The following BRWD3 variants were observed in gnomAD, a reference collection of about 807,000 sequenced individuals.
The protein encoded by BRWD3 is bromodomain and WD repeat-containing protein 3.
BRWD3 carries 10 observed loss-of-function variants against 149.7 expected under a neutral mutation model. The ratio of observed to expected loss-of-function variants is 0.07; its 90% CI spans 0.04 to 0.11. The LOEUF is 0.11. BRWD3 is among the 10% of genes least tolerant of loss of function. The pLI is 1.00. For missense variants in BRWD3, 940 were observed against 1,373.2 expected (o/e 0.68, Z 4.99); for synonymous variants, 504 against 456.7 (o/e 1.10, Z -1.32).
At position 80,669,693 on chromosome X, in the gene BRWD3, C is replaced by G. The variant is rs2072308712; in HGVS notation, c.*6916G>C. ...TTACTTAACAGACTATACAAAATTGCCAATACAAATTAACATGTTGTTATA... is the reference window on the plus strand; with the variant it reads ...TTACTTAACAGACTATACAAAATTGGCAATACAAATTAACATGTTGTTATA... On this transcript the variant is annotated 3_prime_UTR_variant, in exon 41 of 41. Transcript: ENST00000373275. Among the ~76,000 whole-genome samples, 1 of 110,758 alleles carries G rather than the reference C, an allele frequency of 9.0e-6. No homozygotes were observed. The highest frequency in any genetic ancestry group is 1.9e-5 in the Non-Finnish European group (1 of 52,834).
intron 6 of BRWD3, among the ~76,000 whole-genome samples, chrX:80,758,350 T>C (rs1175283940): frequency 8.9e-6 from 1 of 111,845 alleles, no homozygotes; most frequent in Non-Finnish European, 1.9e-5. Flanking sequence ...CAAAAATATA[T>C]ACAACTCTTA....
chrX:80,729,858 TAAACTC>T (rs2147769019), intron 13 of BRWD3, 52 bp downstream of exon 13: 2 of 793,424 alleles, frequency 2.5e-6, no homozygotes, highest in Non-Finnish European at 3.9e-6. Flanking sequence ...TATTCACTAT[TAAACTC>T]AATGTAAAAT....
chrX:80,709,683 G>A (rs1409854847), intron 20 of BRWD3, 106 bp from the exon 21 acceptor site: 2 of 658,366 alleles, frequency 3.0e-6, no homozygotes, highest in Non-Finnish European at 4.6e-6. Context: ...AGTAGGAGAT[G>A]AGAATAAATT....
chrX:80,795,032 T>A (rs1379749253), intron 4 of BRWD3, among the ~76,000 whole-genome samples: 1 of 111,131 alleles, frequency 9.0e-6, no homozygotes, highest in Non-Finnish European at 1.9e-5. Flanking sequence ...TTTAAATAAC[T>A]CAGCTATGTA....
Position 80,686,944 on chromosome X carries a change from T to C in BRWD3, c.3924A>G (p.Gln1308=), listed in dbSNP as rs959424157. 5 of 1,210,096 alleles carry C rather than the reference T, an allele frequency of 4.1e-6. No homozygotes were observed. The highest frequency in any genetic ancestry group is 5.6e-6 in the Non-Finnish European group (5 of 894,389). ...AAATGAGGCTCAATAGTTCCTTGCA[T>C]TGTTTTTTCCAAGCATCAGGATTAC... ...LKCNPDAWKK[Q]CKELLSLIYE... is the part of the protein sequence containing the mutation. The change falls in exon 35 of 41, where the codon CAA becomes CAG. Residue 1308 remains glutamine (Q), a synonymous_variant. Coordinates refer to ENST00000373275, the MANE Select transcript of BRWD3 (RefSeq NM_153252.5).
intron 6 of BRWD3, among the ~76,000 whole-genome samples, chrX:80,756,319 T>C (rs1602398573): frequency 1.8e-5 from 2 of 108,879 alleles, no homozygotes; most frequent in East Asian, 2.9e-4. Context: ...CTGATCAACA[T>C]GGAGAAACCC....
chrX:80,793,754 T>C lies in BRWD3; in HGVS notation c.199A>G (p.Ile67Val). ...ATTTTAAGGAGGTAGTCTGGAGGAA[T>C]GTGTGCATTTGCTGCCACCTAAAAA... is the stretch of plus-strand genomic sequence containing the variant. ...FEDLVAANAHIPPDYLLKICE... is the reference protein window; with the variant it reads ...FEDLVAANAHVPPDYLLKICE... Residue 67 changes from isoleucine to valine, a missense_variant, in exon 5 of 41, where the codon ATT becomes GTT. Transcript: ENST00000373275. 1 of 1,208,995 alleles carries C rather than the reference T, an allele frequency of 8.3e-7. No homozygotes were observed. The highest frequency in any genetic ancestry group is 1.8e-5 in the South Asian group (1 of 56,938).
At chrX:80,708,707 T>A (rs760050657) in intron 21 of BRWD3, among the ~76,000 whole-genome samples, 2 of 109,445 alleles carry the variant, frequency 1.8e-5, no homozygotes, top group African/African-American at 6.7e-5. Flanking sequence ...TCCCAGCTCC[T>A]GGGGAGGCCA....
rs1453890647 is a variant in BRWD3, at chrX:80,699,957, C to A, written c.2943G>T (p.Arg981Ser). ...QKQPWNKMDL[R>S]EQEFVKIVGI... Reference sequence around the variant, plus strand: ...TAGCTTATGAATTTGGCAAACTTACCCTGAGATCCATTTTGTTCCATGGCT... The same window carrying A: ...TAGCTTATGAATTTGGCAAACTTACACTGAGATCCATTTTGTTCCATGGCT... The change falls in exon 25 of 41, where the codon AGG (arginine) becomes AGT (serine). Residue 981 changes from arginine (R) to serine (S), a missense_variant and splice_region_variant. Arg to Ser is a moderately radical substitution (Grantham distance 110, BLOSUM62 -1). This residue lies in a region of BRWD3 where 158 missense variants were observed against 284.0 expected (regional missense o/e 0.56). Coordinates refer to ENST00000373275, the MANE Select transcript of BRWD3 (RefSeq NM_153252.5). The A allele has an allele frequency of 1.7e-6, 2 of 1,200,816 alleles. No individual in the cohort carries two copies. Among genetic ancestry groups the A allele is most frequent in the African/African-American group, 3.5e-5 (2 of 57,452 alleles).
Position 80,673,162 on chromosome X carries a change from C to T in BRWD3, c.*3447G>A, listed in dbSNP as rs767696195. 169 of 111,580 alleles carry T rather than the reference C, an allele frequency of 1.5e-3. No individual in the cohort carries two copies. Among genetic ancestry groups the T allele is most frequent in the African/African-American group, 5.2e-3 (159 of 30,785 alleles). The allele number at this position is 111,580 out of a possible 1,213,427, so 9.2% of individuals were successfully genotyped here. The stretch of plus-strand genomic sequence containing the variant: ...TAGAAGGCTGAGTTAAATATCTGAG[C>T]GCACAGTTGTGCAGAATGAGATTTC... On this transcript the variant is annotated 3_prime_UTR_variant, in exon 41 of 41. Coordinates refer to ENST00000373275, the MANE Select transcript of BRWD3 (RefSeq NM_153252.5).
chrX:80,723,590 G>A lies in BRWD3; in HGVS notation c.1650+158C>T, dbSNP rs7358014. On this transcript the variant is annotated intron_variant, in intron 16 of 40. Transcript: ENST00000373275. The stretch of plus-strand genomic sequence containing the variant: ...CAGCCAAACCTAAGGTTCTGGCAGT[G>A]CAGATCACAATTGAGAACCTTTACT... 3.2e-3 allele frequency among the ~76,000 whole-genome samples: 356 copies of A among 109,928 alleles called. 2 individuals carry two copies. Among genetic ancestry groups the A allele is most frequent in the African/African-American group, 0.011 (336 of 30,352 alleles).
At chrX:80,713,603 T>A (rs1271398112) in intron 20 of BRWD3, among the ~76,000 whole-genome samples, 7 of 110,170 alleles carry the variant, frequency 6.4e-5, no homozygotes, top group Admixed American at 9.6e-5. Context: ...CTTTGTTCAC[T>A]TGTTTATCTG....
At chrX:80,709,290 GTAT>G (rs1569254581) in intron 21 of BRWD3, 135 bp downstream of exon 21, 11 of 448,793 alleles carry the variant, frequency 2.5e-5, no homozygotes, top group Non-Finnish European at 3.8e-5. Flanking sequence ...CCTACTAAAT[GTAT>G]TATTAATGAA....
rs1380960013 is a variant in BRWD3, at chrX:80,709,531, C to A, written c.2372G>T (p.Arg791Leu). The change falls in exon 21 of 41, where the codon CGC becomes CTC. Residue 791 changes from arginine to leucine, a missense_variant. This residue lies in a region of BRWD3 where 103 missense variants were observed against 103.2 expected (regional missense o/e 1.00). Coordinates refer to ENST00000373275, the MANE Select transcript of BRWD3 (RefSeq NM_153252.5). The part of the protein sequence containing the change: ...SCGRSLRRTQ[R>L]KRQHTYQTRS... ...TGTTTGGTAAGTATGCTGACGTTTG[C>A]GCTGTGTCCTGCGTAAAGAACGCCC... is the stretch of plus-strand genomic sequence containing the variant. 2.5e-6 allele frequency: 3 copies of A among 1,209,779 alleles called. No homozygotes were observed. In the South Asian group the frequency reaches 5.3e-5, roughly 21 times the overall value.
At chrX:80,809,182 C>T in intron 2 of BRWD3, 64 bp downstream of exon 2, 3 of 1,155,592 alleles carry the variant, frequency 2.6e-6, no homozygotes, top group Non-Finnish European at 3.5e-6. Flanking sequence ...CTGCTCGTCC[C>T]GCTGCCTCGA....
chrX:80,688,803 T>C (rs1274537804), intron 33 of BRWD3, among the ~76,000 whole-genome samples: 1 of 110,994 alleles, frequency 9.0e-6, no homozygotes, highest in Non-Finnish European at 1.9e-5. Context: ...AACTAAAATA[T>C]ATTTATGTGA....
chrX:80,715,992 T>C (rs1467431372), intron 20 of BRWD3, among the ~76,000 whole-genome samples, 165 bp downstream of exon 20: 1 of 112,009 alleles, frequency 8.9e-6, no homozygotes, highest in African/African-American at 3.2e-5. Context: ...TTTGTTCTTA[T>C]TAATAATAAT....
At chrX:80,779,030 G>A (rs1350012751) in intron 6 of BRWD3, among the ~76,000 whole-genome samples, 1 of 111,085 alleles carries the variant, frequency 9.0e-6, no homozygotes, top group Non-Finnish European at 1.9e-5. Flanking sequence ...AAAACAGAAC[G>A]TGGTCGGGCA....
chrX:80,809,097 CT>C (rs1290163605), intron 2 of BRWD3, 55 bp from the exon 3 acceptor site: 1 of 1,162,827 alleles, frequency 8.6e-7, no homozygotes, highest in Non-Finnish European at 1.2e-6. Flanking sequence ...CAACCCATTC[CT>C]CCCTCCACAC....
Sources: gnomAD v4.1 joint callset for allele counts (sites outside exome capture counted in the v4.1 genomes callset) on GRCh38, gnomAD v4.1.1 for gene constraint, gnomAD v4.1.1 regional missense constraint, MANE v1.5 for transcripts, NCBI Gene and HGNC (gene_info 2026-07-23, HGNC 2026-07-21) for gene names.